The following TANC2 variants were observed in gnomAD, a reference collection of about 807,000 sequenced individuals.
The protein encoded by TANC2 is tetratricopeptide repeat, ankyrin repeat and coiled-coil containing 2.
TANC2 carries 26 observed loss-of-function variants against 210.5 expected under a neutral mutation model. That is an observed-to-expected ratio of 0.12 (90% CI 0.09 to 0.17). The LOEUF is 0.17. TANC2 is among the 10% of genes least tolerant of loss of function. The pLI is 1.00. For missense variants in TANC2, 2,129 were observed against 2,608.9 expected (o/e 0.82, Z 4.01); for synonymous variants, 931 against 967.1 (o/e 0.96, Z 0.69).
chr17:63,044,978 A>G (rs1042451594), intron 2 of TANC2, among the ~76,000 whole-genome samples: 1 of 152,166 alleles, frequency 6.6e-6, no homozygotes, highest in African/African-American at 2.4e-5. Context: ...GGTTCAGCAA[A>G]CTGTAGCCCA....
intron 11 of TANC2, among the ~76,000 whole-genome samples, chr17:63,325,763 A>G (rs140802901): frequency 6.6e-6 from 1 of 152,310 alleles, no homozygotes; most frequent in East Asian, 1.9e-4. Context: ...GTGGTTCCCA[A>G]CCAATTTATA....
At chr17:63,300,248 A>G (rs2044669792) in intron 9 of TANC2, among the ~76,000 whole-genome samples, 1 of 151,944 alleles carries the variant, frequency 6.6e-6, no homozygotes, top group Admixed American at 6.6e-5. Context: ...TTTGCTTAGG[A>G]TTGTCTTGGC....
At chr17:63,274,812 A>C (rs535808799) in intron 9 of TANC2, among the ~76,000 whole-genome samples, 1 of 152,088 alleles carries the variant, frequency 6.6e-6, no homozygotes, top group Non-Finnish European at 1.5e-5. Context: ...TCTCAAAAAA[A>C]TTGTTTTAAT....
intron 19 of TANC2, chr17:63,399,172 A>T (rs1254222306): frequency 1.2e-5 from 3 of 242,012 alleles, no homozygotes; most frequent in African/African-American, 4.5e-5. Context: ...AAATATTTTT[A>T]AAAGACTGAA....
Position 63,251,110 on chromosome 17 carries a change from A to G in TANC2, c.1033+13033A>G, listed in dbSNP as rs56187227. Among the ~76,000 whole-genome samples the G allele has an allele frequency of 4.1e-3, 631 of 152,308 alleles. 1 individual carries two copies. Among genetic ancestry groups the G allele is most frequent in the Non-Finnish European group, 7.4e-3 (504 of 68,004 alleles). On this transcript the variant is annotated intron_variant, in intron 8 of 27. Transcript: ENST00000689528. ...GAAGTGGTAGAGTAATGAAAGATGA[A>G]TTGGGCATTTCTTTCTTGTTCTCAA...
chr17:63,177,586 AAAACTTACAGC>A (rs1159740894), intron 5 of TANC2, among the ~76,000 whole-genome samples: 1 of 152,196 alleles, frequency 6.6e-6, no homozygotes, highest in African/African-American at 2.4e-5. Context: ...AAACCACTCC[AAAACTTACAGC>A]AACCAAAAAT....
At chr17:63,370,248 G>T (rs949089419) in intron 14 of TANC2, among the ~76,000 whole-genome samples, 1 of 145,934 alleles carries the variant, frequency 6.9e-6, no homozygotes, top group Admixed American at 6.9e-5. Context: ...GTGCAATCTC[G>T]GCTCACTGCA....
At chr17:63,312,957 C>T (rs1489081279) in intron 9 of TANC2, among the ~76,000 whole-genome samples, 1 of 152,100 alleles carries the variant, frequency 6.6e-6, no homozygotes. Context: ...CTCAGTTATT[C>T]TAGTGGCTTT....
chr17:63,166,309 C>G (rs970130507), intron 5 of TANC2, among the ~76,000 whole-genome samples: 7 of 149,368 alleles, frequency 4.7e-5, no homozygotes, highest in African/African-American at 1.7e-4. Flanking sequence ...CTAGATAGCA[C>G]AGAGAGAGAG....
chr17:63,120,796 A>G (rs1210891987), intron 4 of TANC2: 3 of 136,958 alleles, frequency 2.2e-5, no homozygotes. Context: ...CCTGGGTGAC[A>G]GTATGAGACC....
exon 4 of TANC2, chr17:63,099,286 C>A: frequency 6.3e-7 from 1 of 1,582,946 alleles, no homozygotes. Context: ...ATGTCTCGCT[C>A]TCTTCCATCC....
intron 10 of TANC2, among the ~76,000 whole-genome samples, chr17:63,318,756 G>A (rs2045396350): frequency 6.6e-6 from 1 of 152,116 alleles, no homozygotes; most frequent in Admixed American, 6.5e-5. Flanking sequence ...GGGCATTTAG[G>A]TTGTTTCCAC....
Position 63,420,795 on chromosome 17 carries a change from C to G in TANC2, c.5065C>G (p.Leu1689Val). ...GGCAGTTCCCCAGCAAGGGCTCAGGCTACAGCCTGCCAAGGCCCAGATTGT... is the reference window on the plus strand; with the variant it reads ...GGCAGTTCCCCAGCAAGGGCTCAGGGTACAGCCTGCCAAGGCCCAGATTGT... The change falls in exon 28 of 28, where the codon CTA becomes GTA. Residue 1689 changes from leucine to valine, a missense_variant. This residue lies in a region of TANC2 where 584 missense variants were observed against 627.3 expected (regional missense o/e 0.93). Transcript: ENST00000689528. The surrounding 1 kb of genome is among the most constrained non-coding windows in gnomAD (Gnocchi z 4.2). 1.9e-6 allele frequency: 3 copies of G among 1,614,040 alleles called. No individual in the cohort carries two copies. The highest frequency in any genetic ancestry group is 1.7e-6 in the Non-Finnish European group (2 of 1,179,896).
exon 11 of TANC2, chr17:63,319,015 C>T (rs2045408334): frequency 1.1e-5 from 17 of 1,613,570 alleles, no homozygotes; most frequent in Non-Finnish European, 1.4e-5. Flanking sequence ...ACTCATCTAT[C>T]ACCAGTGGAA....
At chr17:63,076,610 T>G (rs2036580302) in intron 3 of TANC2, among the ~76,000 whole-genome samples, 1 of 152,112 alleles carries the variant, frequency 6.6e-6, no homozygotes, top group South Asian at 2.1e-4. Context: ...TCTCTAAATG[T>G]ATGAAAGATA....
In TANC2 at chr17:63,412,738, G is replaced by A. The variant is rs574415946; in HGVS notation, c.3928+29G>A. ...TATTTCACCGCTGTCAGCATCAGGC[G>A]TGGTCTGATGGCTTGGTCAGCTTTG... On this transcript the variant is annotated intron_variant, in intron 24 of 27. Transcript: ENST00000689528. The surrounding 1 kb of genome is among the most constrained non-coding windows in gnomAD (Gnocchi z 4.2). 6.5e-6 allele frequency: 10 copies of A among 1,535,576 alleles called. No individual in the cohort carries two copies. The highest frequency in any genetic ancestry group is 2.4e-5 in the East Asian group (1 of 40,888).
intron 7 of TANC2, among the ~76,000 whole-genome samples, chr17:63,217,193 G>A (rs1001564549): frequency 2.6e-5 from 4 of 152,242 alleles, no homozygotes; most frequent in Admixed American, 2.6e-4. Flanking sequence ...TAAGCAGAAG[G>A]TAGGAAATCA....
At chr17:63,296,877 G>T (rs1362796156) in intron 9 of TANC2, among the ~76,000 whole-genome samples, 2 of 151,812 alleles carry the variant, frequency 1.3e-5, no homozygotes, top group African/African-American at 4.8e-5. Flanking sequence ...GTCTAAAGAA[G>T]AGAAAGAAAA....
chr17:63,093,696 A>T (rs7208851), intron 3 of TANC2, among the ~76,000 whole-genome samples: 2,897 of 152,294 alleles, frequency 0.019, 87 homozygotes, highest in African/African-American at 0.066. Flanking sequence ...AAACCTGTAG[A>T]TCACTTTGGA....
Sources: gnomAD v4.1 joint callset for allele counts (sites outside exome capture counted in the v4.1 genomes callset) on GRCh38, gnomAD v4.1.1 for gene constraint, gnomAD v4.1.1 regional missense constraint, Gnocchi (gnomAD v3.1) non-coding constraint, MANE v1.5 for transcripts, NCBI Gene and HGNC (gene_info 2026-07-23, HGNC 2026-07-21) for gene names.